CLIC5: variants seen among roughly 807,000 people sequenced by gnomAD.
CLIC5 encodes the protein chloride intracellular channel protein 5.
In CLIC5, 20 loss-of-function variants were observed where a neutral mutation model predicts 24.7. The ratio of observed to expected loss-of-function variants is 0.81; its 90% CI spans 0.57 to 1.18. The LOEUF (loss-of-function observed/expected upper bound fraction) is 1.18. Among genes scored for constraint, CLIC5 ranks in the 50% most tolerant of loss-of-function variants. The pLI is 0.00. For missense variants in CLIC5, 341 were observed against 326.1 expected, an observed-to-expected ratio of 1.05 and a Z score of -0.35; for synonymous variants, 159 against 135.6, an observed-to-expected ratio of 1.17 and a Z score of -1.20.
intron 1 of CLIC5, among the ~76,000 whole-genome samples, chr6:46,073,588 T>G (rs1762680224): frequency 6.6e-6 from 1 of 152,270 alleles, no homozygotes; most frequent in Admixed American, 6.5e-5. Flanking sequence ...ATTTGCTTGC[T>G]GTCCTAAACA....
At chr6:45,983,232 G>A (rs1241021410) in intron 1 of CLIC5, among the ~76,000 whole-genome samples, 1 of 152,198 alleles carries the variant, frequency 6.6e-6, no homozygotes, top group Non-Finnish European at 1.5e-5. Context: ...GGGAGGGAGG[G>A]TGAGAGGAAT....
intron 1 of CLIC5, among the ~76,000 whole-genome samples, chr6:45,963,949 T>C (rs1450474683): frequency 3.9e-5 from 6 of 152,174 alleles, no homozygotes; most frequent in Admixed American, 2.0e-4. Flanking sequence ...TGTGACTCAG[T>C]GATTTGTTTT....
chr6:45,925,529 C>A (rs6939932), intron 4 of CLIC5, among the ~76,000 whole-genome samples: 3,275 of 152,266 alleles, frequency 0.022, 123 homozygotes, highest in African/African-American at 0.075. Flanking sequence ...ATTGGCCAGG[C>A]TGGTCTTGAA....
chr6:45,936,279 A>G (rs1763931878), intron 4 of CLIC5, among the ~76,000 whole-genome samples: 1 of 136,440 alleles, frequency 7.3e-6, no homozygotes, highest in African/African-American at 2.8e-5. Flanking sequence ...ATCTCGGCTC[A>G]CTGCAACCTC....
intron 1 of CLIC5, among the ~76,000 whole-genome samples, chr6:46,027,874 C>G (rs1475375844): frequency 6.6e-6 from 1 of 152,094 alleles, no homozygotes; most frequent in Admixed American, 6.5e-5. Context: ...TGATTTTATG[C>G]TTTTTAAAAA....
At chr6:46,108,492 G>A in the CLIC5 span, among the ~76,000 whole-genome samples, 1 of 151,822 alleles carries the variant, frequency 6.6e-6, no homozygotes, top group Admixed American at 6.6e-5. Context: ...CACCTCCTGG[G>A]TTCAAGCGAT....
intron 1 of CLIC5, among the ~76,000 whole-genome samples, chr6:46,038,232 CAGTT>C (rs926973534): frequency 6.6e-6 from 1 of 152,136 alleles, no homozygotes; most frequent in Non-Finnish European, 1.5e-5. Context: ...TTTGTCCAGT[CAGTT>C]AGCAGACTGC....
At chr6:45,889,809 T>A (rs1762333781) in intron 6 of CLIC5, among the ~76,000 whole-genome samples, 1 of 152,218 alleles carries the variant, frequency 6.6e-6, no homozygotes, top group Non-Finnish European at 1.5e-5. Context: ...AAAAATATTT[T>A]CTTACACATG....
At chr6:46,016,745 C>G (rs1337723004), upstream of CLIC5, among the ~76,000 whole-genome samples, 1 of 152,196 alleles carries the variant, frequency 6.6e-6, no homozygotes, top group Non-Finnish European at 1.5e-5. Context: ...CCTGCTCTCT[C>G]CTCTCCACAT....
intron 1 of CLIC5, among the ~76,000 whole-genome samples, chr6:45,990,565 C>T (rs1765901129): frequency 6.6e-6 from 1 of 152,160 alleles, no homozygotes; most frequent in African/African-American, 2.4e-5. Context: ...TACCTCACAG[C>T]AAAAATTTAA....
intron 1 of CLIC5, chr6:46,079,579 T>C: frequency 1.2e-6 from 1 of 803,882 alleles, no homozygotes; most frequent in Non-Finnish European, 2.0e-6. Context: ...CTCCGACTCC[T>C]GAATATGTAT....
intron 1 of CLIC5, among the ~76,000 whole-genome samples, chr6:45,992,253 C>T (rs1410287234): frequency 3.3e-5 from 5 of 152,266 alleles, no homozygotes; most frequent in South Asian, 2.1e-4. Context: ...ATGCCCCACA[C>T]GTAGGAGATG....
intron 1 of CLIC5, among the ~76,000 whole-genome samples, chr6:46,069,593 A>G (rs2127474035): frequency 6.6e-6 from 1 of 152,162 alleles, no homozygotes; most frequent in Non-Finnish European, 1.5e-5. Flanking sequence ...AAACAAAAAA[A>G]GAAAAAAAAG....
chr6:45,998,817 T>C lies in CLIC5; in HGVS notation c.63+16663A>G, dbSNP rs113695986. On this transcript the variant is annotated intron_variant, in intron 1 of 5. Transcript: ENST00000339561. ...TTCGTTCAATTCCTTCTTGGAAGGG[T>C]ACCTAGGTCAGCGATCAGCTCACAC... Among the ~76,000 whole-genome samples, 760 of 152,284 alleles carry C rather than the reference T, an allele frequency of 5.0e-3. 5 individuals are homozygous for C. The highest frequency in any genetic ancestry group is 0.018 in the African/African-American group (731 of 41,560).
intron 4 of CLIC5, chr6:45,937,500 G>C (rs1480011991): frequency 6.6e-6 from 1 of 152,228 alleles, no homozygotes; most frequent in South Asian, 2.1e-4. Context: ...AAGTTGTGCA[G>C]CTAGAAGTGC....
At chr6:46,127,651 C>T in the CLIC5 span, among the ~76,000 whole-genome samples, 5 of 151,934 alleles carry the variant, frequency 3.3e-5, no homozygotes, top group African/African-American at 1.2e-4. Context: ...ACTTTGTGGC[C>T]GGCTTCCCAG....
the CLIC5 span, among the ~76,000 whole-genome samples, chr6:46,088,161 C>CTCTGTGTGTGTG: frequency 6.8e-6 from 1 of 146,340 alleles, no homozygotes; most frequent in South Asian, 2.2e-4. Flanking sequence ...CGCTCTCTTT[C>CTCTGTGTGTGTG]TGTGTGTGTG....
At chr6:46,036,553 G>T (rs1173106783) in intron 1 of CLIC5, among the ~76,000 whole-genome samples, 1 of 152,014 alleles carries the variant, frequency 6.6e-6, no homozygotes, top group South Asian at 2.1e-4. Context: ...CTCGTGTTCC[G>T]CCTGCCTCGG....
intron 4 of CLIC5, among the ~76,000 whole-genome samples, chr6:45,937,163 A>G (rs1243439058): frequency 6.6e-6 from 1 of 152,216 alleles, no homozygotes; most frequent in Non-Finnish European, 1.5e-5. Flanking sequence ...CAAAGTTTAA[A>G]AAGTAGAAAA....
Sources: allele counts gnomAD v4.1 joint callset (sites outside exome capture counted in the v4.1 genomes callset), GRCh38; gene constraint gnomAD v4.1.1; transcripts MANE v1.5; gene names NCBI Gene and HGNC (gene_info 2026-07-23, HGNC 2026-07-21).